TMTC4: variants seen among roughly 807,000 people sequenced by gnomAD.
The protein encoded by TMTC4 is transmembrane O-mannosyltransferase targeting cadherins 4, also known as protein O-mannosyl-transferase TMTC4.
TMTC4 carries 65 observed loss-of-function variants against 86.0 expected under a neutral mutation model. That is an observed-to-expected ratio of 0.76 (90% CI 0.62 to 0.93). The LOEUF (loss-of-function observed/expected upper bound fraction) is 0.93, where lower values mean the gene tolerates loss of function less well. Among genes scored for constraint, TMTC4 ranks in the 40% least tolerant of loss-of-function variants. The probability of loss-of-function intolerance (pLI) is 0.00; values close to 1 mark genes in which losing one functional copy is unlikely to be tolerated. For missense variants in TMTC4, 866 were observed against 948.1 expected, an observed-to-expected ratio of 0.91 and a Z score of 1.14; for synonymous variants, 379 against 382.5, an observed-to-expected ratio of 0.99 and a Z score of 0.11.
intron 12 of TMTC4, among the ~76,000 whole-genome samples, chr13:100,628,277 T>A (rs756349919): frequency 2.6e-5 from 4 of 152,232 alleles, no homozygotes; most frequent in Non-Finnish European, 4.4e-5. Flanking sequence ...GTGCCTCATG[T>A]AAGTGGAATT....
chr13:100,638,979 G>A (rs1294335047), intron 7 of TMTC4, among the ~76,000 whole-genome samples: 3 of 152,198 alleles, frequency 2.0e-5, no homozygotes, highest in Non-Finnish European at 4.4e-5. Context: ...AGTTACAGGC[G>A]AAAGGAGAGA....
chr13:100,639,931 ACCG>A (rs1882793384), intron 7 of TMTC4, among the ~76,000 whole-genome samples: 2 of 151,950 alleles, frequency 1.3e-5, no homozygotes, highest in African/African-American at 4.8e-5. Flanking sequence ...CAAGAGAGAA[ACCG>A]TCTCGAATAA....
intron 15 of TMTC4, among the ~76,000 whole-genome samples, chr13:100,621,925 T>A (rs1052894348): frequency 1.3e-5 from 2 of 152,184 alleles, no homozygotes; most frequent in African/African-American, 4.8e-5. Context: ...GGATCGCCCC[T>A]GCTTTGTATG....
At chr13:100,674,914 G>A, upstream of TMTC4, 1 of 984,658 alleles carries the variant, frequency 1.0e-6, no homozygotes, top group Non-Finnish European at 1.2e-6. Flanking sequence ...CCCAGCACCA[G>A]TCTCGGCCCG....
chr13:100,650,874 A>G (rs1884351907), intron 6 of TMTC4, among the ~76,000 whole-genome samples: 1 of 152,240 alleles, frequency 6.6e-6, no homozygotes. Flanking sequence ...AAAGAAAAAC[A>G]GGTGTCTTTA....
chr13:100,618,671 AT>A (rs1262314575), intron 15 of TMTC4, among the ~76,000 whole-genome samples: 2 of 151,768 alleles, frequency 1.3e-5, no homozygotes, highest in African/African-American at 4.8e-5. Flanking sequence ...GGTACTTGAG[AT>A]TAGGGAGTGG....
intron 2 of TMTC4, 173 bp downstream of exon 2, chr13:100,670,187 C>T (rs1886910265): frequency 4.9e-6 from 3 of 609,548 alleles, no homozygotes; most frequent in Admixed American, 7.9e-5. Context: ...ATTCCAGCCC[C>T]CTGATTGGGA....
chr13:100,623,282 G>C (rs1280273387), intron 15 of TMTC4, among the ~76,000 whole-genome samples: 1 of 152,214 alleles, frequency 6.6e-6, no homozygotes, highest in Non-Finnish European at 1.5e-5. Flanking sequence ...GCCCAGGCTG[G>C]AGTGCAGTGC....
At chr13:100,625,328 T>G in intron 15 of TMTC4, 1 of 654,690 alleles carries the variant, frequency 1.5e-6, no homozygotes, top group South Asian at 2.1e-5. Flanking sequence ...CTCTTAAACT[T>G]GACTAATTCA....
chr13:100,611,439 G>GC (rs1877556318), intron 17 of TMTC4, among the ~76,000 whole-genome samples: 1 of 152,132 alleles, frequency 6.6e-6, no homozygotes, highest in South Asian at 2.1e-4. Context: ...CAAAACATTA[G>GC]CCGGGCGTGG....
At position 100,605,247 on chromosome 13, in the gene TMTC4, T is replaced by C; in HGVS notation, c.2135-105A>G. The C allele has an allele frequency of 7.6e-7, 1 of 1,308,682 alleles. No homozygotes were observed. The allele number at this position is 1,308,682 out of a possible 1,614,324, so 81.1% of individuals were successfully genotyped here. On this transcript the variant is annotated intron_variant, in intron 18 of 18. Transcript: ENST00000342624. This position sits in a 1 kb window ranked among gnomAD's most constrained non-coding sequence, Gnocchi z 4.3. ...ATTACAGATCCTATGCAAACAGTTT[T>C]CAAAAGTCAATTGTATGAAACAATA... is the stretch of plus-strand genomic sequence containing the variant.
chr13:100,673,957 G>A (rs1887480631), intron 1 of TMTC4: 1 of 890,184 alleles, frequency 1.1e-6, no homozygotes, highest in African/African-American at 1.8e-5. Context: ...AGCGAAGTGT[G>A]GGATGACTCA....
At chr13:100,643,318 GTCTGAATGCCTATGGCTCTATGTAAGCA>G (rs1883284951) in intron 6 of TMTC4, among the ~76,000 whole-genome samples, 1 of 152,208 alleles carries the variant, frequency 6.6e-6, no homozygotes, top group Admixed American at 6.5e-5. Flanking sequence ...GGAACTCCCG[GTCTGAATGCCTATGGCTCTATGTAAGCA>G]TCTGAATGCC....
chr13:100,618,204 G>T (rs1234901278), intron 15 of TMTC4, among the ~76,000 whole-genome samples: 2 of 152,180 alleles, frequency 1.3e-5, no homozygotes, highest in Non-Finnish European at 2.9e-5. Context: ...AAACTTTACT[G>T]AAGTTGTTTA....
chr13:100,639,154 A>G (rs552862573), intron 7 of TMTC4, among the ~76,000 whole-genome samples: 1 of 152,288 alleles, frequency 6.6e-6, no homozygotes, highest in East Asian at 1.9e-4. Flanking sequence ...TCTCTTTAAT[A>G]TGATCTTCTT....
intron 3 of TMTC4, among the ~76,000 whole-genome samples, chr13:100,664,832 T>C (rs761767907): frequency 6.6e-6 from 1 of 152,164 alleles, no homozygotes; most frequent in Non-Finnish European, 1.5e-5. Flanking sequence ...ACATGACTAT[T>C]TTTCTGTGCC....
chr13:100,646,336 ACT>A (rs1883738193), intron 6 of TMTC4, among the ~76,000 whole-genome samples: 5 of 152,040 alleles, frequency 3.3e-5, no homozygotes. Flanking sequence ...GTGACTATCT[ACT>A]CTCTATCAAA....
intron 6 of TMTC4, among the ~76,000 whole-genome samples, chr13:100,643,658 C>G (rs1883331034): frequency 4.6e-5 from 7 of 152,180 alleles, no homozygotes; most frequent in Admixed American, 3.9e-4. Flanking sequence ...CTTCAGTACT[C>G]TTTACATTAT....
intron 6 of TMTC4, among the ~76,000 whole-genome samples, chr13:100,655,587 T>G: frequency 6.6e-6 from 1 of 152,124 alleles, no homozygotes; most frequent in East Asian, 1.9e-4. Context: ...CTTGGGAGAT[T>G]TGTAATCATC....
Sources: gnomAD v4.1 joint callset for allele counts (sites outside exome capture counted in the v4.1 genomes callset) on GRCh38, gnomAD v4.1.1 for gene constraint, Gnocchi (gnomAD v3.1) non-coding constraint, MANE v1.5 for transcripts, NCBI Gene and HGNC (gene_info 2026-07-23, HGNC 2026-07-21) for gene names.